Variants in ZNF280D observed in about 807,000 individuals in gnomAD.
ZNF280D encodes the protein zinc finger protein 280D, also known as suppressor of hairy wing homolog 4.
In ZNF280D, 39 loss-of-function variants were observed where a neutral mutation model predicts 94.7. That is an observed-to-expected ratio of 0.41 (90% CI 0.32 to 0.54). The LOEUF (loss-of-function observed/expected upper bound fraction) is 0.54, where lower values mean the gene tolerates loss of function less well. Ranked by LOEUF, ZNF280D falls within the 20% of genes least tolerant of loss-of-function variation. The probability of loss-of-function intolerance (pLI) is 0.22; values close to 1 mark genes in which losing one functional copy is unlikely to be tolerated. For missense variants in ZNF280D, 1,090 were observed against 1,149.3 expected, an observed-to-expected ratio of 0.95 and a Z score of 0.75; for synonymous variants, 398 against 377.6, an observed-to-expected ratio of 1.05 and a Z score of -0.63.
chr15:56,707,304 T>C lies in ZNF280D; in HGVS notation c.-83A>G. 3.3e-6 allele frequency: 5 copies of C among 1,528,248 alleles called. No individual in the cohort carries two copies. The highest frequency in any genetic ancestry group is 1.7e-4 in the Middle Eastern group (1 of 5,946). The allele number at this position is 1,528,248 out of a possible 1,614,324, so 94.7% of individuals were successfully genotyped here. A position where few individuals can be genotyped will look rare whatever the true frequency, so the allele number is the denominator to read the frequency against. On this transcript the variant is annotated splice_region_variant and 5_prime_UTR_variant, in exon 2 of 22. Coordinates refer to ENST00000267807, the MANE Select transcript of ZNF280D (RefSeq NM_017661.4). ...AGCCAGCAAGTTATTTCTGTTTTCCTTCCTATAAAATAAAGATACCAACTA... is the reference window on the plus strand; with the variant it reads ...AGCCAGCAAGTTATTTCTGTTTTCCCTCCTATAAAATAAAGATACCAACTA...
chr15:56,631,182 T>C lies in ZNF280D; in HGVS notation c.*316A>G, dbSNP rs2052054136. 8.4e-6 allele frequency: 2 copies of C among 239,016 alleles called. No individual in the cohort carries two copies. The highest frequency in any genetic ancestry group is 9.9e-5 in the Admixed American group (2 of 20,172). 14.8% of individuals were successfully genotyped at this position (239,016 alleles called of 1,614,324 possible). A position where few individuals can be genotyped will look rare whatever the true frequency, so the allele number is the denominator to read the frequency against. ...GTTTGAAAGGCTTTATAAATATTAC[T>C]AATATCATCAATTCATGTCAGCAAC... On this transcript the variant is annotated 3_prime_UTR_variant, in exon 22 of 22. Coordinates refer to ENST00000267807, the MANE Select transcript of ZNF280D (RefSeq NM_017661.4).
At chr15:56,647,640 T>C (rs1362089302) in intron 19 of ZNF280D, among the ~76,000 whole-genome samples, 1 of 152,140 alleles carries the variant, frequency 6.6e-6, no homozygotes, top group East Asian at 1.9e-4. Context: ...CCAGTGATCC[T>C]CTCATCACCA....
chr15:56,660,894 A>C (rs1790883426), intron 16 of ZNF280D, among the ~76,000 whole-genome samples: 1 of 152,060 alleles, frequency 6.6e-6, no homozygotes, highest in South Asian at 2.1e-4. Context: ...ATTTCCTTAA[A>C]AATTTTAAGA....
At chr15:56,721,662 C>A (rs1448717070) in intron 1 of ZNF280D, among the ~76,000 whole-genome samples, 1 of 152,284 alleles carries the variant, frequency 6.6e-6, no homozygotes, top group Non-Finnish European at 1.5e-5. Context: ...TTCTTCTGCA[C>A]CATCTTCACT....
chr15:56,723,036 C>A (rs1451559518), intron 1 of ZNF280D, among the ~76,000 whole-genome samples: 1 of 136,036 alleles, frequency 7.4e-6, no homozygotes, highest in East Asian at 2.1e-4. Context: ...AATGAGATCA[C>A]ATGGACACAG....
intron 6 of ZNF280D, 39 bp from the exon 7 acceptor site, chr15:56,693,254 A>C (rs2056528147): frequency 1.3e-6 from 1 of 766,688 alleles, no homozygotes; most frequent in Non-Finnish European, 1.9e-6. Flanking sequence ...ACATTTATTC[A>C]ACAGTTATAA....
chr15:56,711,275 A>C (rs1484413382), intron 1 of ZNF280D, among the ~76,000 whole-genome samples: 2 of 152,220 alleles, frequency 1.3e-5, no homozygotes, highest in Non-Finnish European at 2.9e-5. Context: ...GTGAAGATTA[A>C]ATGAGATAAT....
intron 10 of ZNF280D, among the ~76,000 whole-genome samples, chr15:56,679,478 C>G (rs1210959737): frequency 6.6e-6 from 1 of 152,218 alleles, no homozygotes; most frequent in Non-Finnish European, 1.5e-5. Context: ...AACTTGCAGA[C>G]AGTGCCCTTT....
At chr15:56,714,945 A>G (rs1289155071) in intron 1 of ZNF280D, among the ~76,000 whole-genome samples, 1 of 152,116 alleles carries the variant, frequency 6.6e-6, no homozygotes, top group Non-Finnish European at 1.5e-5. Flanking sequence ...AAAGTTACCT[A>G]TTAGGGGGAT....
intron 18 of ZNF280D, 37 bp from the exon 19 acceptor site, chr15:56,654,271 A>G (rs2053391294): frequency 5.0e-6 from 8 of 1,603,854 alleles, no homozygotes; most frequent in Admixed American, 3.5e-5. Context: ...TTACAACAGC[A>G]TATGAAATAT....
At chr15:56,723,153 C>T (rs1471104624) in intron 1 of ZNF280D, among the ~76,000 whole-genome samples, 3 of 151,760 alleles carry the variant, frequency 2.0e-5, no homozygotes, top group Non-Finnish European at 4.4e-5. Context: ...GGGTGCAGCA[C>T]ACCAGCATGG....
At chr15:56,714,133 T>G (rs1364076534) in intron 1 of ZNF280D, among the ~76,000 whole-genome samples, 1 of 152,200 alleles carries the variant, frequency 6.6e-6, no homozygotes, top group Admixed American at 6.5e-5. Context: ...TGTTTTAGTG[T>G]TAGAAAACTA....
intron 21 of ZNF280D, chr15:56,634,282 G>A (rs1336028868): frequency 1.3e-4 from 1 of 7,652 alleles, no homozygotes; most frequent in African/African-American, 5.4e-4. Flanking sequence ...ATTACATATG[G>A]AAAAAATTAT....
intron 7 of ZNF280D, among the ~76,000 whole-genome samples, chr15:56,691,362 A>C (rs2056411906): frequency 6.6e-6 from 1 of 152,200 alleles, no homozygotes; most frequent in Non-Finnish European, 1.5e-5. Flanking sequence ...CTGTATAATC[A>C]CATTCACATT....
At chr15:56,653,768 A>T in intron 19 of ZNF280D, 1 of 1,267,170 alleles carries the variant, frequency 7.9e-7, no homozygotes, top group Non-Finnish European at 9.9e-7. Context: ...CAGCAGAGAA[A>T]AACAAAAATT....
At chr15:56,712,050 A>C (rs575173221) in intron 1 of ZNF280D, among the ~76,000 whole-genome samples, 18 of 152,224 alleles carry the variant, frequency 1.2e-4, no homozygotes, top group Admixed American at 5.2e-4. Flanking sequence ...TCCTTGACCT[A>C]AACATCATTA....
intron 13 of ZNF280D, among the ~76,000 whole-genome samples, chr15:56,676,406 C>G (rs1187614845): frequency 1.3e-5 from 2 of 152,082 alleles, no homozygotes; most frequent in African/African-American, 4.8e-5. Flanking sequence ...TTCCACTCAA[C>G]TTTTTCTTTT....
At chr15:56,672,055 G>A (rs1267030920) in intron 13 of ZNF280D, among the ~76,000 whole-genome samples, 1 of 152,096 alleles carries the variant, frequency 6.6e-6, no homozygotes, top group Admixed American at 6.6e-5. Context: ...TGCTGAAGTT[G>A]CTTATCAGCT....
rs2052043206 is a variant in ZNF280D at position 56,630,784 on chromosome 15, T to A, written c.*714A>T. On this transcript the variant is annotated 3_prime_UTR_variant, in exon 22 of 22. Coordinates refer to ENST00000267807, the MANE Select transcript of ZNF280D (RefSeq NM_017661.4). ...CTTACACACTGACAAAAAGCACAAA[T>A]ATAAATTTATATCTTAATAATTCCA... 6.6e-6 allele frequency: 1 copy of A among 152,186 alleles called. No individual in the cohort carries two copies. Among genetic ancestry groups the A allele is most frequent in the Non-Finnish European group, 1.5e-5 (1 of 68,022 alleles). 9.4% of individuals were successfully genotyped at this position (152,186 alleles called of 1,614,324 possible).
Sources: gnomAD v4.1 joint callset for allele counts (sites outside exome capture counted in the v4.1 genomes callset) on GRCh38, gnomAD v4.1.1 for gene constraint, MANE v1.5 for transcripts, NCBI Gene and HGNC (gene_info 2026-07-23, HGNC 2026-07-21) for gene names.